The following CCDC171 variants were observed in gnomAD, a reference collection of about 807,000 sequenced individuals.
CCDC171 encodes coiled-coil domain-containing protein 171.
CCDC171 carries 177 observed loss-of-function variants against 168.2 expected under a neutral mutation model. That is an observed-to-expected ratio of 1.05 (90% CI 0.93 to 1.19). CCDC171 has a LOEUF of 1.19. CCDC171 is among the 50% of genes most tolerant of loss of function. CCDC171 has a pLI of 0.00. For synonymous variants in CCDC171, 687 were observed against 540.8 expected (o/e 1.27, Z -3.75); for missense variants, 1,991 against 1,539.0 (o/e 1.29, Z -4.91).
chr9:16,017,387 G>A (rs193169437), intron 3 of CCDC171, among the ~76,000 whole-genome samples: 7 of 151,978 alleles, frequency 4.6e-5, no homozygotes, highest in East Asian at 1.9e-4. Context: ...CATAGACAAC[G>A]CATAATTATT....
the CCDC171 span, among the ~76,000 whole-genome samples, chr9:16,069,767 T>G: frequency 3.3e-5 from 5 of 152,150 alleles, no homozygotes; most frequent in African/African-American, 4.8e-5. Context: ...AGCTTGCTGT[T>G]CACACCCCCA....
chr9:15,649,333 C>T (rs1291416777), intron 7 of CCDC171, among the ~76,000 whole-genome samples: 1 of 152,148 alleles, frequency 6.6e-6, no homozygotes, highest in Non-Finnish European at 1.5e-5. Flanking sequence ...AGGACATAGG[C>T]ATGGGCAAGG....
intron 18 of CCDC171, among the ~76,000 whole-genome samples, chr9:15,761,655 G>T (rs887007247): frequency 6.6e-6 from 1 of 152,034 alleles, no homozygotes; most frequent in Non-Finnish European, 1.5e-5. Context: ...AAAATTTTTT[G>T]TGTATGGGAT....
chr9:15,799,856 T>G (rs1330527738), intron 21 of CCDC171, among the ~76,000 whole-genome samples: 1 of 152,148 alleles, frequency 6.6e-6, no homozygotes, highest in Non-Finnish European at 1.5e-5. Flanking sequence ...CCCCTCCAAA[T>G]AAGTAAGAAC....
intron 21 of CCDC171, among the ~76,000 whole-genome samples, chr9:15,795,986 C>T (rs1233099585): frequency 2.0e-5 from 3 of 152,118 alleles, no homozygotes; most frequent in Admixed American, 2.0e-4. Flanking sequence ...ACAGTCAAGA[C>T]TTTTATAAAA....
chr9:15,947,509 A>C (rs180915893), intron 25 of CCDC171, among the ~76,000 whole-genome samples: 1 of 152,028 alleles, frequency 6.6e-6, no homozygotes, highest in Non-Finnish European at 1.5e-5. Context: ...AGGTTAATAC[A>C]TGTTGTAGCA....
chr9:16,105,381 C>T, the CCDC171 span, among the ~76,000 whole-genome samples: 2 of 152,138 alleles, frequency 1.3e-5, no homozygotes, highest in Admixed American at 6.5e-5. Flanking sequence ...ACTCCCTGTC[C>T]ACCTGCTGTT....
intron 21 of CCDC171, among the ~76,000 whole-genome samples, chr9:15,844,537 TTCTATG>T (rs1391669943): frequency 6.6e-6 from 1 of 152,072 alleles, no homozygotes; most frequent in African/African-American, 2.4e-5. Flanking sequence ...CAAATGAGAA[TTCTATG>T]TCTATAAGTT....
chr9:15,617,541 T>A (rs942057376), intron 6 of CCDC171, among the ~76,000 whole-genome samples: 2 of 151,946 alleles, frequency 1.3e-5, no homozygotes, highest in Non-Finnish European at 2.9e-5. Context: ...CACACCCGGC[T>A]AATTTTTTGT....
intron 21 of CCDC171, among the ~76,000 whole-genome samples, chr9:15,826,651 C>T (rs1251960390): frequency 6.6e-6 from 1 of 152,188 alleles, no homozygotes; most frequent in Non-Finnish European, 1.5e-5. Context: ...GCTAGGGTCT[C>T]TTGCAACAAG....
intron 7 of CCDC171, among the ~76,000 whole-genome samples, chr9:15,629,194 G>A (rs1482806924): frequency 1.1e-4 from 17 of 152,024 alleles, no homozygotes; most frequent in Non-Finnish European, 7.4e-5. Context: ...TGACTTTGAC[G>A]AGTTGAGAGA....
intron 25 of CCDC171, among the ~76,000 whole-genome samples, chr9:15,940,428 T>C (rs1827582609): frequency 1.3e-5 from 2 of 151,854 alleles, no homozygotes; most frequent in South Asian, 4.1e-4. Flanking sequence ...ACTTCTCAAC[T>C]TCCCACATAA....
intron 25 of CCDC171, among the ~76,000 whole-genome samples, chr9:15,961,004 G>A (rs902695900): frequency 6.6e-5 from 10 of 152,022 alleles, no homozygotes; most frequent in East Asian, 1.9e-4. Flanking sequence ...CAGTGGAAGG[G>A]AGGGGCATGC....
At chr9:15,822,928 A>G (rs962036588) in intron 21 of CCDC171, among the ~76,000 whole-genome samples, 5 of 152,192 alleles carry the variant, frequency 3.3e-5, no homozygotes, top group African/African-American at 1.2e-4. Flanking sequence ...AAGACTTGGA[A>G]CCAACCCAAA....
chr9:15,609,501 T>C (rs2043493591), intron 6 of CCDC171, among the ~76,000 whole-genome samples: 1 of 152,204 alleles, frequency 6.6e-6, no homozygotes, highest in Non-Finnish European at 1.5e-5. Context: ...ATAAAGATAA[T>C]GCGTATATAG....
the CCDC171 span, among the ~76,000 whole-genome samples, chr9:16,095,252 A>C: frequency 6.6e-6 from 1 of 152,202 alleles, no homozygotes; most frequent in African/African-American, 2.4e-5. Context: ...ACTCTGAGCA[A>C]GGCAAGGACA....
intron 24 of CCDC171, among the ~76,000 whole-genome samples, chr9:15,920,004 C>T (rs892040939): frequency 1.3e-4 from 19 of 151,528 alleles, no homozygotes; most frequent in Admixed American, 4.6e-4. Flanking sequence ...CTTTTAAAAC[C>T]GCATTCTAAA....
intron 21 of CCDC171, among the ~76,000 whole-genome samples, chr9:15,837,556 A>G (rs770218500): frequency 5.3e-5 from 8 of 152,202 alleles, no homozygotes; most frequent in Non-Finnish European, 1.2e-4. Flanking sequence ...GAACAAATAC[A>G]GGGGTTTTCA....
At chr9:15,822,159 T>G (rs534520305) in intron 21 of CCDC171, among the ~76,000 whole-genome samples, 48 of 152,294 alleles carry the variant, frequency 3.2e-4, no homozygotes, top group Admixed American at 5.9e-4. Flanking sequence ...GATCCCTTCC[T>G]TACACCTTAT....
Sources: gnomAD v4.1 joint callset for allele counts (sites outside exome capture counted in the v4.1 genomes callset) on GRCh38, gnomAD v4.1.1 for gene constraint, MANE v1.5 for transcripts, NCBI Gene and HGNC (gene_info 2026-07-23, HGNC 2026-07-21) for gene names.